Variants in ZNF138 observed in about 807,000 individuals in gnomAD.
The protein encoded by ZNF138 is zinc finger protein 138 (clone pHZ-32).
A neutral mutation model predicts 33.0 loss-of-function variants in ZNF138; 33 were observed. That is an observed-to-expected ratio of 1.00 (90% CI 0.76 to 1.34). The LOEUF (loss-of-function observed/expected upper bound fraction) is 1.34. ZNF138 is among the 40% of genes most tolerant of loss of function. The pLI is 0.00. For missense variants in ZNF138, 360 were observed against 370.8 expected (o/e 0.97, Z 0.24); for synonymous variants, 139 against 120.4 (o/e 1.15, Z -1.01).
chr7:64,858,363 T>G, the ZNF138 span, among the ~76,000 whole-genome samples: 1 of 152,162 alleles, frequency 6.6e-6, no homozygotes, highest in Non-Finnish European at 1.5e-5. Context: ...AAGAGGAGGA[T>G]GCAGATAGAA....
In ZNF138 at chr7:64,814,910, T is replaced by A. The variant is rs752899676; in HGVS notation, c.4-8T>A. The A allele has an allele frequency of 1.9e-6, 3 of 1,611,876 alleles. No individual in the cohort carries two copies. Among genetic ancestry groups the A allele is most frequent in the South Asian group, 2.2e-5 (2 of 91,056 alleles). On this transcript the variant is annotated splice_polypyrimidine_tract_variant and splice_region_variant and intron_variant, in intron 1 of 3. Coordinates refer to ENST00000307355, the MANE Select transcript of ZNF138 (RefSeq NM_001271639.2). ...GTGTGTGTGTGTTTGTGTGTGCGTGTTTTTCAGGGACCACTGACATTTATG... is the reference window on the plus strand; with the variant it reads ...GTGTGTGTGTGTTTGTGTGTGCGTGATTTTCAGGGACCACTGACATTTATG...
At chr7:64,830,753 T>A in intron 3 of ZNF138, among the ~76,000 whole-genome samples, 1 of 152,192 alleles carries the variant, frequency 6.6e-6, no homozygotes, top group East Asian at 1.9e-4. Context: ...TACCTGTCAG[T>A]GTTTATAATG....
chr7:64,832,173 G>A lies in ZNF138; in HGVS notation c.931G>A (p.Glu311Lys), dbSNP rs772416475. ...YTGEEPYKCE[E>K]CGKAFNLS ...TGGAGAGGAACCATACAAATGTGAG[G>A]AATGTGGCAAAGCTTTTAACCTATC... Residue 311 changes from glutamate to lysine, a missense_variant, in exon 4 of 4, where the codon GAA (glutamate) becomes AAA (lysine). Physicochemically the swap from Glu to Lys is moderately conservative, Grantham distance 56. Transcript: ENST00000307355. 4.3e-6 allele frequency: 7 copies of A among 1,609,592 alleles called. No homozygotes were observed. The South Asian group carries it at 6.6e-5, about 15-fold the overall frequency.
At chr7:64,843,875 A>G in the ZNF138 span, among the ~76,000 whole-genome samples, 3 of 151,316 alleles carry the variant, frequency 2.0e-5, no homozygotes, top group Non-Finnish European at 4.4e-5. Context: ...ACCAGGCTGG[A>G]GTGCAGTGGT....
the ZNF138 span, among the ~76,000 whole-genome samples, chr7:64,850,184 G>C: frequency 1.4e-4 from 22 of 152,354 alleles, no homozygotes; most frequent in South Asian, 2.5e-3. Flanking sequence ...TCCAGGTAAA[G>C]TCAGATTTCT....
At chr7:64,808,584 CT>C (rs1254288814) in intron 1 of ZNF138, among the ~76,000 whole-genome samples, 3 of 105,628 alleles carry the variant, frequency 2.8e-5, no homozygotes, top group Non-Finnish European at 6.7e-5. Flanking sequence ...ATTTCTGTTT[CT>C]TTTTTTTTTA....
At chr7:64,849,500 C>T in the ZNF138 span, among the ~76,000 whole-genome samples, 1 of 151,802 alleles carries the variant, frequency 6.6e-6, no homozygotes, top group African/African-American at 2.4e-5. Context: ...GGTCCTAGGA[C>T]TCCCAAGAAT....
At chr7:64,826,282 G>T (rs1326637984) in intron 3 of ZNF138, among the ~76,000 whole-genome samples, 2 of 151,746 alleles carry the variant, frequency 1.3e-5, no homozygotes, top group East Asian at 3.9e-4. Context: ...TTATTTATTT[G>T]TTTATTTATT....
intron 1 of ZNF138, among the ~76,000 whole-genome samples, chr7:64,812,010 G>A (rs6960292): frequency 0.044 from 6,733 of 152,252 alleles, 223 homozygotes; most frequent in Non-Finnish European, 0.064. Flanking sequence ...CCAATTTGCA[G>A]TAATCTTTTT....
At chr7:64,796,661 G>A (rs1171373334) in intron 1 of ZNF138, among the ~76,000 whole-genome samples, 1 of 152,170 alleles carries the variant, frequency 6.6e-6, no homozygotes, top group African/African-American at 2.4e-5. Context: ...GCTGGGTGAT[G>A]TCCAAGAGTA....
chr7:64,831,485 A>G lies in ZNF138; in HGVS notation c.243A>G (p.Leu81=), dbSNP rs183912002. 108 of 1,588,272 alleles carry G rather than the reference A, an allele frequency of 6.8e-5. No homozygotes were observed. In the Admixed American group the frequency reaches 7.0e-4, roughly 10 times the overall value. The change falls in exon 4 of 4, where the codon CTA becomes CTG. Residue 81 remains leucine (L), a synonymous_variant. Transcript: ENST00000307355. ...LCSRFAQDLW[L]EQNIKDSFQK... is the part of the protein sequence containing the mutation. ...CTCGTTTTGCCCAAGACCTTTGGCTAGAGCAGAACATAAAAGATTCTTTCC... is the reference window on the plus strand; with the variant it reads ...CTCGTTTTGCCCAAGACCTTTGGCTGGAGCAGAACATAAAAGATTCTTTCC...
At chr7:64,803,394 G>A (rs755287276) in intron 1 of ZNF138, among the ~76,000 whole-genome samples, 1 of 151,312 alleles carries the variant, frequency 6.6e-6, no homozygotes, top group African/African-American at 2.4e-5. Context: ...GAATGATGAA[G>A]ACTAAAAGAT....
At chr7:64,836,155 G>A (rs1416851867), downstream of ZNF138, 1 of 152,180 alleles carries the variant, frequency 6.6e-6, no homozygotes, top group East Asian at 1.9e-4. Flanking sequence ...GTGTCTTGTA[G>A]GGTCTGAGAA....
chr7:64,808,141 G>C lies in ZNF138; in HGVS notation c.4-6777G>C, dbSNP rs534978904. The stretch of plus-strand genomic sequence containing the variant: ...TCTCTGAGACATTTGAGGATGTCCA[G>C]GGATGAACTGTGTCAGGCTGACAAG... On this transcript the variant is annotated intron_variant, in intron 1 of 3. Transcript: ENST00000307355. 2.4e-4 allele frequency among the ~76,000 whole-genome samples: 36 copies of C among 152,268 alleles called. 1 individual carries two copies. In the South Asian group the frequency reaches 6.4e-3, roughly 27 times the overall value.
chr7:64,802,553 C>T (rs185801336), intron 1 of ZNF138, among the ~76,000 whole-genome samples: 7 of 151,578 alleles, frequency 4.6e-5, no homozygotes, highest in South Asian at 2.1e-4. Context: ...CATAATGTTA[C>T]GCCAGAGTCA....
chr7:64,844,908 A>G, the ZNF138 span, among the ~76,000 whole-genome samples: 1 of 152,208 alleles, frequency 6.6e-6, no homozygotes, highest in Non-Finnish European at 1.5e-5. Context: ...GCTGGTCTCG[A>G]ACCCCTGACC....
chr7:64,829,288 GT>G (rs1789893602), intron 3 of ZNF138, among the ~76,000 whole-genome samples: 3 of 145,924 alleles, frequency 2.1e-5, no homozygotes, highest in Non-Finnish European at 4.6e-5. Flanking sequence ...GAGCAAGTAA[GT>G]ATTAAAATAC....
chr7:64,834,935 G>T (rs892618138), downstream of ZNF138, among the ~76,000 whole-genome samples: 2 of 152,224 alleles, frequency 1.3e-5, no homozygotes, highest in Admixed American at 1.3e-4. Flanking sequence ...ATAAGGCCAA[G>T]AGGCGAGACA....
downstream of ZNF138, chr7:64,835,863 G>A (rs1790352481): frequency 6.6e-6 from 1 of 152,322 alleles, no homozygotes; most frequent in African/African-American, 2.4e-5. Flanking sequence ...AGGCTAAGGA[G>A]ATGCCTAGTA....
Sources: allele counts gnomAD v4.1 joint callset (sites outside exome capture counted in the v4.1 genomes callset), GRCh38; gene constraint gnomAD v4.1.1; transcripts MANE v1.5; gene names NCBI Gene and HGNC (gene_info 2026-07-23, HGNC 2026-07-21).